CDH8: variants seen among roughly 807,000 people sequenced by gnomAD.
The protein encoded by CDH8 is cadherin-8.
A neutral mutation model predicts 68.1 loss-of-function variants in CDH8; 17 were observed. The observed-to-expected ratio is 0.25, with a 90% CI of 0.17 to 0.37. The LOEUF (loss-of-function observed/expected upper bound fraction) is 0.37, where lower values mean the gene tolerates loss of function less well. CDH8 is among the 10% of genes least tolerant of loss of function. CDH8 has a pLI of 1.00. For synonymous variants in CDH8, 372 were observed against 365.1 expected, an observed-to-expected ratio of 1.02 and a Z score of -0.21; for missense variants, 763 against 999.3, an observed-to-expected ratio of 0.76 and a Z score of 3.19.
intron 7 of CDH8, among the ~76,000 whole-genome samples, chr16:61,797,053 T>G (rs910556970): frequency 1.3e-5 from 2 of 152,066 alleles, no homozygotes; most frequent in Non-Finnish European, 2.9e-5. Flanking sequence ...TGCATACATT[T>G]CATACTGATA....
intron 3 of CDH8, among the ~76,000 whole-genome samples, chr16:61,897,160 T>C (rs955993438): frequency 6.6e-6 from 1 of 151,006 alleles, no homozygotes; most frequent in Non-Finnish European, 1.5e-5. Context: ...ATTATTGAAA[T>C]GTCTACTCTA....
intron 8 of CDH8, among the ~76,000 whole-genome samples, chr16:61,780,608 A>G (rs1321772307): frequency 6.6e-6 from 1 of 152,188 alleles, no homozygotes; most frequent in Non-Finnish European, 1.5e-5. Flanking sequence ...ACCTCCCCCT[A>G]TGGGGTTCTG....
intron 2 of CDH8, among the ~76,000 whole-genome samples, chr16:61,982,754 T>G (rs531831146): frequency 6.6e-6 from 1 of 152,294 alleles, no homozygotes; most frequent in Non-Finnish European, 1.5e-5. Context: ...ATTCTCAAGT[T>G]TCACAACGTC....
At chr16:61,684,010 G>A (rs1964058485) in intron 10 of CDH8, among the ~76,000 whole-genome samples, 1 of 151,974 alleles carries the variant, frequency 6.6e-6, no homozygotes, top group Admixed American at 6.6e-5. Context: ...ACATTTTTGA[G>A]GATACCTTCC....
intron 2 of CDH8, among the ~76,000 whole-genome samples, chr16:61,968,558 C>T (rs1311221928): frequency 6.6e-6 from 1 of 152,102 alleles, no homozygotes; most frequent in Non-Finnish European, 1.5e-5. Flanking sequence ...TAAGCAGAAT[C>T]GATGAAAGAA....
chr16:61,826,637 T>G (rs541206134), intron 4 of CDH8, among the ~76,000 whole-genome samples: 1 of 150,286 alleles, frequency 6.7e-6, no homozygotes, highest in African/African-American at 2.5e-5. Flanking sequence ...GAAGTTGTAA[T>G]TCTTTTTTTT....
chr16:62,035,196 T>C (rs1902425458), intron 1 of CDH8: 1 of 152,208 alleles, frequency 6.6e-6, no homozygotes, highest in African/African-American at 2.4e-5. Flanking sequence ...TGGCAGAACC[T>C]AGGCAAGAGC....
At chr16:61,969,208 G>A (rs1449925788) in intron 2 of CDH8, among the ~76,000 whole-genome samples, 1 of 152,228 alleles carries the variant, frequency 6.6e-6, no homozygotes, top group Non-Finnish European at 1.5e-5. Flanking sequence ...CCGGTTCTCA[G>A]AGTAAGTGCT....
At chr16:61,899,805 C>A (rs985131443) in intron 3 of CDH8, among the ~76,000 whole-genome samples, 1 of 148,636 alleles carries the variant, frequency 6.7e-6, no homozygotes, top group African/African-American at 2.5e-5. Flanking sequence ...TAAATTCCAA[C>A]TAATTTCCAT....
chr16:61,989,525 C>A (rs1965682512), intron 2 of CDH8, among the ~76,000 whole-genome samples: 1 of 152,182 alleles, frequency 6.6e-6, no homozygotes, highest in Non-Finnish European at 1.5e-5. Context: ...AGAGATAAAA[C>A]CAGTGCCAAG....
chr16:61,668,878 GC>G (rs1433439108), intron 10 of CDH8, among the ~76,000 whole-genome samples: 1 of 151,998 alleles, frequency 6.6e-6, no homozygotes, highest in Non-Finnish European at 1.5e-5. Flanking sequence ...TTGTACTTGA[GC>G]TTATAAATGT....
At chr16:61,917,307 C>G (rs1182390498) in intron 2 of CDH8, among the ~76,000 whole-genome samples, 1 of 152,102 alleles carries the variant, frequency 6.6e-6, no homozygotes, top group African/African-American at 2.4e-5. Context: ...CCTGCTTTCT[C>G]TCCTGTACTG....
intron 7 of CDH8, among the ~76,000 whole-genome samples, chr16:61,813,944 A>C (rs1962015764): frequency 6.6e-6 from 1 of 152,206 alleles, no homozygotes; most frequent in African/African-American, 2.4e-5. Context: ...TTTAGCCTAT[A>C]GCTGTCAAAG....
chr16:61,874,331 T>A (rs959822989), intron 3 of CDH8, among the ~76,000 whole-genome samples: 1 of 152,186 alleles, frequency 6.6e-6, no homozygotes, highest in Admixed American at 6.5e-5. Context: ...ATTTTCTTTT[T>A]TTCGTTTTTT....
At position 61,722,750 on chromosome 16, in the gene CDH8, C is replaced by T. The variant is rs1418757627; in HGVS notation, c.1536+4344G>A. 4.0e-5 allele frequency among the ~76,000 whole-genome samples: 6 copies of T among 150,792 alleles called. No individual in the cohort carries two copies. In the Admixed American group the frequency reaches 4.0e-4, roughly 10 times the overall value. ...TGTCAAGCATTGGCTAGATACATAT[C>T]ATCCAGAAGTATAAGTGACTACCTT... On this transcript the variant is annotated intron_variant, in intron 9 of 11. Coordinates refer to ENST00000577390, the MANE Select transcript of CDH8 (RefSeq NM_001796.5).
chr16:61,652,578 T>A lies in CDH8; in HGVS notation c.*1030A>T. The A allele has an allele frequency of 9.4e-7, 1 of 1,061,828 alleles. No individual in the cohort carries two copies. The highest frequency in any genetic ancestry group is 1.1e-6 in the Non-Finnish European group (1 of 871,356). The allele number at this position is 1,061,828 out of a possible 1,614,324, so 65.8% of individuals were successfully genotyped here. ...AGACTATTAGCTCTCCTTTCGATAA[T>A]ATTGCCTGCCATACTCATCTCATCA... On this transcript the variant is annotated 3_prime_UTR_variant, in exon 12 of 12. Coordinates refer to ENST00000577390, the MANE Select transcript of CDH8 (RefSeq NM_001796.5).
chr16:61,732,235 A>T (rs1959558055), intron 8 of CDH8, among the ~76,000 whole-genome samples: 2 of 151,784 alleles, frequency 1.3e-5, no homozygotes, highest in Non-Finnish European at 2.9e-5. Context: ...TTATTGAGAA[A>T]CACTAGCCTG....
chr16:61,901,619 G>T (rs1350476872), intron 2 of CDH8, 146 bp from the exon 3 acceptor site: 1 of 609,166 alleles, frequency 1.6e-6, no homozygotes, highest in Non-Finnish European at 2.9e-6. Flanking sequence ...GTATGCAGCT[G>T]TGCGGATATC....
At chr16:61,986,616 T>C (rs1227008140) in intron 2 of CDH8, among the ~76,000 whole-genome samples, 1 of 152,172 alleles carries the variant, frequency 6.6e-6, no homozygotes. Flanking sequence ...ACTGGAGATA[T>C]GTGTCCAAGC....
Sources: allele counts gnomAD v4.1 joint callset (sites outside exome capture counted in the v4.1 genomes callset), GRCh38; gene constraint gnomAD v4.1.1; transcripts MANE v1.5; gene names NCBI Gene and HGNC (gene_info 2026-07-23, HGNC 2026-07-21).